The following PCDH15 variants were observed in gnomAD, a reference collection of about 807,000 sequenced individuals.
PCDH15 encodes protocadherin-15.
In PCDH15, 129 loss-of-function variants were observed where a neutral mutation model predicts 178.5. That is an observed-to-expected ratio of 0.72 (90% CI 0.63 to 0.84). The LOEUF is 0.84. PCDH15 is among the 40% of genes least tolerant of loss of function. PCDH15 has a pLI of 0.00. For synonymous variants in PCDH15, 800 were observed against 732.0 expected (o/e 1.09, Z -1.50); for missense variants, 2,230 against 2,099.9 (o/e 1.06, Z -1.21).
intron 1 of PCDH15, among the ~76,000 whole-genome samples, chr10:54,772,485 A>T (rs190518586): frequency 1.3e-5 from 2 of 152,312 alleles, no homozygotes; most frequent in East Asian, 3.9e-4. Context: ...AAAAGAAGAC[A>T]TACATGCGTC....
intron 2 of PCDH15, among the ~76,000 whole-genome samples, chr10:55,484,276 C>T (rs1202267302): frequency 6.6e-6 from 1 of 151,448 alleles, no homozygotes; most frequent in African/African-American, 2.4e-5. Context: ...TGCACTTGTA[C>T]CCCTGAACTT....
chr10:54,044,658 AT>A (rs1465251552), intron 18 of PCDH15, among the ~76,000 whole-genome samples: 7 of 152,134 alleles, frequency 4.6e-5, no homozygotes, highest in African/African-American at 1.7e-4. Flanking sequence ...ACAACGTCAA[AT>A]AAGCTGCTAC....
intron 2 of PCDH15, among the ~76,000 whole-genome samples, chr10:55,347,898 A>T (rs374346003): frequency 1.3e-5 from 2 of 152,066 alleles, no homozygotes; most frequent in Non-Finnish European, 2.9e-5. Context: ...TTTGATTCTC[A>T]TCAGCTAAAA....
chr10:55,322,783 T>A (rs989688107), upstream of PCDH15, among the ~76,000 whole-genome samples: 13 of 144,676 alleles, frequency 9.0e-5, no homozygotes, highest in Admixed American at 5.5e-4. Context: ...TGCAGCCTGA[T>A]GATGCAACAG....
At chr10:53,810,890 T>C (rs559812668) in intron 36 of PCDH15, among the ~76,000 whole-genome samples, 2 of 152,154 alleles carry the variant, frequency 1.3e-5, no homozygotes, top group South Asian at 4.2e-4. Flanking sequence ...ATAAAGAGAG[T>C]TGAGTTATTT....
intron 3 of PCDH15, among the ~76,000 whole-genome samples, chr10:54,420,459 T>A (rs1280769912): frequency 6.6e-6 from 1 of 152,042 alleles, no homozygotes; most frequent in Non-Finnish European, 1.5e-5. Context: ...AAAAGATTAT[T>A]TCACCCAAGA....
chr10:54,683,377 T>A (rs2094934780), intron 1 of PCDH15, among the ~76,000 whole-genome samples: 1 of 152,032 alleles, frequency 6.6e-6, no homozygotes, highest in Non-Finnish European at 1.5e-5. Flanking sequence ...GTAACCATTA[T>A]TCTATGTTAT....
In PCDH15 at chr10:54,740,019, G is replaced by A. The variant is rs532329834; in HGVS notation, c.-29+60906C>T. Among the ~76,000 whole-genome samples the A allele has an allele frequency of 1.0e-3, 152 of 152,000 alleles. 1 individual carries two copies. The highest frequency in any genetic ancestry group is 3.5e-3 in the African/African-American group (147 of 41,494). ...CTCAAAAGCACAGGAAAGAAAAGCA[G>A]AAATAGAGAAATGGGATTACACTGA... On this transcript the variant is annotated intron_variant, in intron 1 of 37. Coordinates refer to ENST00000644397, the MANE Select transcript of PCDH15 (RefSeq NM_001384140.1).
intron 2 of PCDH15, among the ~76,000 whole-genome samples, chr10:55,566,489 A>G (rs1005237640): frequency 4.0e-5 from 6 of 151,652 alleles, no homozygotes; most frequent in Middle Eastern, 3.2e-3. Context: ...AAAGAAAAAT[A>G]AAAGGCATAA....
At chr10:54,529,039 C>T (rs1286339102) in intron 2 of PCDH15, among the ~76,000 whole-genome samples, 1 of 151,800 alleles carries the variant, frequency 6.6e-6, no homozygotes, top group Admixed American at 6.6e-5. Flanking sequence ...TTGAAGTTTT[C>T]CAAATTTGTG....
At chr10:53,884,012 G>A (rs1371069545) in intron 26 of PCDH15, among the ~76,000 whole-genome samples, 2 of 129,808 alleles carry the variant, frequency 1.5e-5, no homozygotes, top group African/African-American at 2.7e-5. Context: ...CACTGTGCCT[G>A]GCCTGTTTTT....
rs184355949 is a variant in PCDH15 at position 53,956,623 on chromosome 10, C to T, written c.3122+3109G>A. ...TGATCAAGATACTGATTCTTAGCATCTCTGGGAGTTATGTGTGTACAGTTG... is the reference window on the plus strand; with the variant it reads ...TGATCAAGATACTGATTCTTAGCATTTCTGGGAGTTATGTGTGTACAGTTG... On this transcript the variant is annotated intron_variant, in intron 23 of 37. Transcript: ENST00000644397. Among the ~76,000 whole-genome samples the T allele has an allele frequency of 1.6e-3, 246 of 152,212 alleles. 1 individual carries two copies. Among genetic ancestry groups the T allele is most frequent in the Admixed American group, 4.3e-3 (65 of 15,288 alleles).
chr10:54,395,024 A>G (rs1169503966), intron 3 of PCDH15, among the ~76,000 whole-genome samples: 1 of 152,130 alleles, frequency 6.6e-6, no homozygotes, highest in Admixed American at 6.6e-5. Context: ...CCCACATTTC[A>G]TATTGCTCAA....
chr10:54,464,740 C>T lies in PCDH15; in HGVS notation c.157+63072G>A, dbSNP rs144985067. Reference sequence around the variant, plus strand: ...AGTAAAATACCATGTCTTCCCTCTCCGGTTGACCTTATTTCCAAGGTTGAG... The same window carrying T: ...AGTAAAATACCATGTCTTCCCTCTCTGGTTGACCTTATTTCCAAGGTTGAG... On this transcript the variant is annotated intron_variant, in intron 3 of 37. Coordinates refer to ENST00000644397, the MANE Select transcript of PCDH15 (RefSeq NM_001384140.1). Among the ~76,000 whole-genome samples, 587 of 152,276 alleles carry T rather than the reference C, an allele frequency of 3.9e-3. 1 individual carries two copies. Among genetic ancestry groups the T allele is most frequent in the African/African-American group, 0.013 (531 of 41,570 alleles).
intron 1 of PCDH15, among the ~76,000 whole-genome samples, chr10:55,306,637 G>A (rs1220625937): frequency 2.0e-5 from 3 of 152,118 alleles, no homozygotes; most frequent in African/African-American, 7.2e-5. Context: ...TAATTTAATA[G>A]AGGCATAGTA....
chr10:54,277,593 A>T (rs988777909), intron 8 of PCDH15, among the ~76,000 whole-genome samples: 4 of 151,688 alleles, frequency 2.6e-5, no homozygotes, highest in Non-Finnish European at 5.9e-5. Flanking sequence ...GTACTAAAGA[A>T]AAACAGTGTT....
intron 14 of PCDH15, among the ~76,000 whole-genome samples, chr10:54,149,892 A>G (rs1002269341): frequency 2.6e-5 from 4 of 152,154 alleles, no homozygotes; most frequent in African/African-American, 7.2e-5. Context: ...ATACATTTTT[A>G]GAGTAGAACA....
intron 3 of PCDH15, among the ~76,000 whole-genome samples, chr10:54,508,609 T>C (rs1330517346): frequency 6.6e-6 from 1 of 152,150 alleles, no homozygotes; most frequent in South Asian, 2.1e-4. Context: ...ATGTGATTCA[T>C]TGAATATGGC....
chr10:55,472,440 C>G (rs1236234951), intron 2 of PCDH15, among the ~76,000 whole-genome samples: 1 of 135,324 alleles, frequency 7.4e-6, no homozygotes, highest in Admixed American at 7.5e-5. Context: ...GAAGAGAGTT[C>G]TTCAGAATCA....
Sources: allele counts gnomAD v4.1 joint callset (sites outside exome capture counted in the v4.1 genomes callset), GRCh38; gene constraint gnomAD v4.1.1; transcripts MANE v1.5; gene names NCBI Gene and HGNC (gene_info 2026-07-23, HGNC 2026-07-21).